Variants in DPYD observed in about 807,000 individuals in gnomAD.
DPYD encodes dihydropyrimidine dehydrogenase, also known as dihydropyrimidine dehydrogenase [NADP(+)].
DPYD carries 109 observed loss-of-function variants against 116.2 expected under a neutral mutation model. That is an observed-to-expected ratio of 0.94 (90% CI 0.80 to 1.10). The LOEUF (loss-of-function observed/expected upper bound fraction) is 1.10. DPYD is among the 50% of genes least tolerant of loss of function. The probability of loss-of-function intolerance (pLI) is 0.00; values close to 1 mark genes in which losing one functional copy is unlikely to be tolerated. For missense variants in DPYD, 1,302 were observed against 1,254.5 expected (o/e 1.04, Z -0.57); for synonymous variants, 440 against 432.0 (o/e 1.02, Z -0.23).
In DPYD at chr1:97,573,787, AG is replaced by A. The variant is rs1057517189; in HGVS notation, c.1311del (p.Phe438LeufsTer5). The A allele has an allele frequency of 6.8e-6, 11 of 1,613,646 alleles. No homozygotes were observed. The highest frequency in any genetic ancestry group is 9.3e-6 in the Non-Finnish European group (11 of 1,179,626). On this transcript the variant is annotated frameshift_variant, in exon 11 of 23. Coordinates refer to ENST00000370192, the MANE Select transcript of DPYD (RefSeq NM_000110.4). LOFTEE classifies it high-confidence loss of function. ...TTAGGATCACTCAGAACTGAACCAAAGGCACTGATGACCACATCGGCTTTCA... is the reference window on the plus strand; with the variant it reads ...TTAGGATCACTCAGAACTGAACCAAAGCACTGATGACCACATCGGCTTTCA... ...VHLKADVVIS[A>X]FGSVLSDPKV... is the part of the protein sequence containing the mutation.
chr1:97,811,394 G>A (rs1048169060), intron 3 of DPYD, among the ~76,000 whole-genome samples: 15 of 152,086 alleles, frequency 9.9e-5, no homozygotes, highest in Non-Finnish European at 2.1e-4. Flanking sequence ...TAAACCAGGT[G>A]TAAGAGTATC....
intron 6 of DPYD, among the ~76,000 whole-genome samples, chr1:97,695,155 G>A (rs925664279): frequency 1.3e-5 from 2 of 151,992 alleles, no homozygotes; most frequent in African/African-American, 4.8e-5. Context: ...AGCACATGAA[G>A]CAATATTAAT....
Position 97,881,475 on chromosome 1 carries a change from CA to C in DPYD, c.150+1788del, listed in dbSNP as rs554317799. ...ATCCCTAGGTATAGCATCACAGGTC[CA>C]AATGAATATTGTCAAAGATATTGTC... is the stretch of plus-strand genomic sequence containing the variant. On this transcript the variant is annotated intron_variant, in intron 2 of 22. Coordinates refer to ENST00000370192, the MANE Select transcript of DPYD (RefSeq NM_000110.4). 9.7e-4 allele frequency among the ~76,000 whole-genome samples: 147 copies of C among 152,008 alleles called. 1 individual carries two copies. Among genetic ancestry groups the C allele is most frequent in the South Asian group, 2.7e-3 (13 of 4,818 alleles).
intron 18 of DPYD, among the ~76,000 whole-genome samples, chr1:97,279,235 C>A (rs1055794829): frequency 6.6e-6 from 1 of 151,942 alleles, no homozygotes; most frequent in Non-Finnish European, 1.5e-5. Context: ...AGATTCCCCA[C>A]ACATATATGA....
At chr1:97,155,494 C>A (rs1239049625) in intron 20 of DPYD, among the ~76,000 whole-genome samples, 1 of 152,070 alleles carries the variant, frequency 6.6e-6, no homozygotes, top group Non-Finnish European at 1.5e-5. Context: ...GATAGGAAGC[C>A]CCAAATTGCA....
At chr1:97,565,970 C>T (rs1030257368) in intron 11 of DPYD, among the ~76,000 whole-genome samples, 2 of 152,128 alleles carry the variant, frequency 1.3e-5, no homozygotes, top group African/African-American at 4.8e-5. Flanking sequence ...ATATTTTTTA[C>T]AGCTTTTTAA....
intron 13 of DPYD, among the ~76,000 whole-genome samples, chr1:97,487,589 C>T (rs935397363): frequency 8.5e-5 from 13 of 152,222 alleles, no homozygotes; most frequent in African/African-American, 2.4e-4. Context: ...AGGAGAATGG[C>T]GTGAACCTGG....
At chr1:97,277,546 A>C (rs1260118176) in intron 18 of DPYD, among the ~76,000 whole-genome samples, 1 of 152,078 alleles carries the variant, frequency 6.6e-6, no homozygotes, top group African/African-American at 2.4e-5. Context: ...CTCAGCCCAA[A>C]CTATTTGAAG....
At chr1:97,614,282 G>A (rs1017516110) in intron 8 of DPYD, among the ~76,000 whole-genome samples, 6 of 152,044 alleles carry the variant, frequency 3.9e-5, no homozygotes, top group African/African-American at 1.4e-4. Flanking sequence ...ACAAGAGTTA[G>A]AGACTTGAGC....
rs181846029 is a variant in DPYD, at chr1:97,865,198, T to C, written c.150+18066A>G. On this transcript the variant is annotated intron_variant, in intron 2 of 22. Coordinates refer to ENST00000370192, the MANE Select transcript of DPYD (RefSeq NM_000110.4). ...AGGTAAAGACTTGTCTGCCTATTATTTGGATTTTATAGGAAATTTAAAATA... is the reference window on the plus strand; with the variant it reads ...AGGTAAAGACTTGTCTGCCTATTATCTGGATTTTATAGGAAATTTAAAATA... 1.2e-3 allele frequency among the ~76,000 whole-genome samples: 186 copies of C among 151,990 alleles called. No individual in the cohort carries two copies. The Middle Eastern group carries it at 0.024, about 19-fold the overall frequency.
chr1:97,661,453 G>C (rs1037051271), intron 8 of DPYD, among the ~76,000 whole-genome samples: 2 of 151,990 alleles, frequency 1.3e-5, no homozygotes, highest in Non-Finnish European at 1.5e-5. Context: ...CCCTACTTTA[G>C]GAGAATACAA....
At chr1:97,357,677 T>C (rs1368741181) in intron 16 of DPYD, among the ~76,000 whole-genome samples, 1 of 152,212 alleles carries the variant, frequency 6.6e-6, no homozygotes, top group Non-Finnish European at 1.5e-5. Flanking sequence ...TATCATACCT[T>C]AACCCTTTTC....
At chr1:97,554,645 T>A (rs1230895860) in intron 11 of DPYD, among the ~76,000 whole-genome samples, 1 of 152,114 alleles carries the variant, frequency 6.6e-6, no homozygotes, top group Non-Finnish European at 1.5e-5. Context: ...GGCCAGGATA[T>A]CAGAGTTCTG....
At chr1:97,513,179 A>AAT (rs140868775) in intron 13 of DPYD, among the ~76,000 whole-genome samples, 77 of 150,204 alleles carry the variant, frequency 5.1e-4, no homozygotes, top group South Asian at 1.3e-3. Context: ...AAGAGTATAA[A>AAT]ATATATATAT....
At chr1:97,682,917 T>A (rs1157013569) in intron 7 of DPYD, among the ~76,000 whole-genome samples, 1 of 152,118 alleles carries the variant, frequency 6.6e-6, no homozygotes, top group Non-Finnish European at 1.5e-5. Context: ...CCAGCAGTTC[T>A]GAATGTCATA....
At chr1:97,081,032 C>T (rs1649113821) in intron 22 of DPYD, among the ~76,000 whole-genome samples, 2 of 151,774 alleles carry the variant, frequency 1.3e-5, no homozygotes, top group African/African-American at 4.8e-5. Context: ...TGTGATATGG[C>T]TAGCACTTTA....
chr1:97,550,953 T>C (rs1003194125), intron 11 of DPYD, among the ~76,000 whole-genome samples: 1 of 152,204 alleles, frequency 6.6e-6, no homozygotes, highest in Non-Finnish European at 1.5e-5. Context: ...GTTAGAGTTG[T>C]AGAAAATTAT....
chr1:97,618,884 C>T (rs750331718), intron 8 of DPYD, among the ~76,000 whole-genome samples: 3 of 152,118 alleles, frequency 2.0e-5, no homozygotes, highest in East Asian at 1.9e-4. Flanking sequence ...CACATAAAAT[C>T]GAAGGCAGTG....
At chr1:97,341,660 C>G (rs1193321213) in intron 16 of DPYD, among the ~76,000 whole-genome samples, 1 of 152,168 alleles carries the variant, frequency 6.6e-6, no homozygotes, top group Non-Finnish European at 1.5e-5. Flanking sequence ...AGCAGATAAT[C>G]ACGAAGACCT....
Sources: allele counts gnomAD v4.1 joint callset (sites outside exome capture counted in the v4.1 genomes callset), GRCh38; gene constraint gnomAD v4.1.1; transcripts MANE v1.5; gene names NCBI Gene and HGNC (gene_info 2026-07-23, HGNC 2026-07-21).